SPRYD3: variants seen among roughly 807,000 people sequenced by gnomAD.
The protein encoded by SPRYD3 is SPRY domain containing 3.
Under a neutral mutation model 50.1 loss-of-function variants are expected in SPRYD3, and 17 were observed. That is an observed-to-expected ratio of 0.34 (90% CI 0.23 to 0.51). SPRYD3 has a LOEUF of 0.51. Among genes scored for constraint, SPRYD3 ranks in the 20% least tolerant of loss-of-function variants. SPRYD3 has a pLI of 0.97. For missense variants in SPRYD3, 401 were observed against 591.2 expected (o/e 0.68, Z 3.34); for synonymous variants, 198 against 215.5 (o/e 0.92, Z 0.71).
In SPRYD3 at chr12:53,074,589, T is replaced by C; in HGVS notation, c.507+60A>G. On this transcript the variant is annotated intron_variant, in intron 5 of 10. Transcript: ENST00000301463. This position sits in a 1 kb window ranked among gnomAD's most constrained non-coding sequence, Gnocchi z 4.6. ...CAGCCAGCAGACTCTTCCTAATCACTCCCCACAAATCCTTGGGCAGATTTC... is the reference window on the plus strand; with the variant it reads ...CAGCCAGCAGACTCTTCCTAATCACCCCCCACAAATCCTTGGGCAGATTTC... The C allele has an allele frequency of 6.2e-7, 1 of 1,607,250 alleles. No individual in the cohort carries two copies. The highest frequency in any genetic ancestry group is 8.5e-7 in the Non-Finnish European group (1 of 1,175,074).
At position 53,065,813 on chromosome 12, in the gene SPRYD3, C is replaced by A. The variant is rs2020; in HGVS notation, c.*19G>T. 10 of 1,603,122 alleles carry A rather than the reference C, an allele frequency of 6.2e-6. 1 individual carries two copies. In the African/African-American group the frequency reaches 8.0e-5, roughly 13 times the overall value. On this transcript the variant is annotated 3_prime_UTR_variant, in exon 11 of 11. Coordinates refer to ENST00000301463, the MANE Select transcript of SPRYD3 (RefSeq NM_032840.3). The stretch of plus-strand genomic sequence containing the variant: ...GCAGAGGGTGAGCAGGGAGAAGGAG[C>A]AGGTCTGGAGGGGAGGCCCTAGCCA...
chr12:53,073,260 C>CCGGGGGGGGGGGGGGGGGGGGGGGGGGGG, intron 6 of SPRYD3, 26 bp downstream of exon 6: 1 of 416,308 alleles, frequency 2.4e-6, no homozygotes, highest in Non-Finnish European at 4.4e-6. Context: ...GACCCAGCCC[C>CCGGGGGGGGGGGGGGGGGGGGGGGGGGGG]TCCCACCCTC....
chr12:53,079,199 A>C (rs1592267930), intron 1 of SPRYD3, 112 bp downstream of exon 1: 1 of 1,145,442 alleles, frequency 8.7e-7, no homozygotes, highest in East Asian at 2.6e-5. Flanking sequence ...CAGTGACCAG[A>C]GCGCAGGGCC....
At chr12:53,073,760 C>T (rs1410861975) in intron 5 of SPRYD3, among the ~76,000 whole-genome samples, 1 of 150,848 alleles carries the variant, frequency 6.6e-6, no homozygotes, top group African/African-American at 2.4e-5. Flanking sequence ...AGGAGAATGG[C>T]GTGAACCCGG....
intron 6 of SPRYD3, among the ~76,000 whole-genome samples, chr12:53,072,842 C>T (rs1944559019): frequency 1.3e-5 from 2 of 152,190 alleles, no homozygotes; most frequent in Admixed American, 1.3e-4. Flanking sequence ...GACACTTCCT[C>T]AAAAAAGATG....
intron 7 of SPRYD3, 51 bp downstream of exon 7, chr12:53,068,104 C>T (rs745759335): frequency 6.8e-6 from 11 of 1,609,226 alleles, no homozygotes; most frequent in Middle Eastern, 1.6e-4. Flanking sequence ...GCCCCAACAG[C>T]CCCAGACCTG....
At chr12:53,077,335 G>A in intron 1 of SPRYD3, 74 bp from the exon 2 acceptor site, 2 of 1,549,014 alleles carry the variant, frequency 1.3e-6, no homozygotes, top group Admixed American at 3.7e-5. Flanking sequence ...TGACCCAGAA[G>A]GTAGAGAAGG....
rs566543728 is a variant in SPRYD3, at chr12:53,067,294, G to A, written c.901+354C>T. Among the ~76,000 whole-genome samples the A allele has an allele frequency of 5.9e-5, 9 of 151,954 alleles. No homozygotes were observed. In the South Asian group the frequency reaches 8.3e-4, roughly 14 times the overall value. On this transcript the variant is annotated intron_variant, in intron 8 of 10. Transcript: ENST00000301463. The stretch of plus-strand genomic sequence containing the variant: ...GAGGGCAGGCAGGGGGAGGTGGGTC[G>A]AGGAACTCTAGGCTCAGTTTTCTTC...
At chr12:53,069,422 A>G (rs1944533479) in intron 6 of SPRYD3, among the ~76,000 whole-genome samples, 1 of 152,138 alleles carries the variant, frequency 6.6e-6, no homozygotes, top group Admixed American at 6.5e-5. Flanking sequence ...CTGCACCAGC[A>G]CAGAAGCCTG....
At chr12:53,075,836 T>A in intron 2 of SPRYD3, 25 bp from the exon 3 acceptor site, 1 of 1,599,314 alleles carries the variant, frequency 6.3e-7, no homozygotes, top group East Asian at 2.2e-5. Context: ...AGGGGGGAAT[T>A]CCATTAGCAG....
intron 2 of SPRYD3, 53 bp from the exon 3 acceptor site, chr12:53,075,864 G>A (rs1198248636): frequency 6.8e-7 from 1 of 1,463,332 alleles, no homozygotes; most frequent in African/African-American, 1.4e-5. Flanking sequence ...CAAGAGTAGG[G>A]GGAGGGCCTC....
Position 53,066,352 on chromosome 12 carries a change from C to T in SPRYD3, c.1156G>A (p.Glu386Lys). 1 of 1,613,912 alleles carries T rather than the reference C, an allele frequency of 6.2e-7. No homozygotes were observed. Among genetic ancestry groups the T allele is most frequent in the South Asian group, 1.1e-5 (1 of 91,074 alleles). ...EEEEEEEEDG[E>K]EIEPEHEGRK... ...CCCTCATGCTCCGGCTCTATCTCTT[C>T]CCCATCCTCTTCCTCTTCCTCTTCC... Residue 386 changes from glutamate (E) to lysine (K), a missense_variant, in exon 10 of 11, where the codon GAA becomes AAA. Glu to Lys is a moderately conservative substitution (Grantham distance 56). Coordinates refer to ENST00000301463, the MANE Select transcript of SPRYD3 (RefSeq NM_032840.3).
At chr12:53,073,255 A>AGCCCCGGGGGGGGGG in intron 6 of SPRYD3, 31 bp downstream of exon 6, 2 of 383,666 alleles carry the variant, frequency 5.2e-6, no homozygotes, top group Non-Finnish European at 4.9e-6. Context: ...CCTCCGACCC[A>AGCCCCGGGGGGGGGG]GCCCCTCCCA....
intron 5 of SPRYD3, among the ~76,000 whole-genome samples, chr12:53,073,672 G>A (rs898172764): frequency 3.3e-5 from 5 of 151,766 alleles, no homozygotes; most frequent in Non-Finnish European, 5.9e-5. Context: ...GTGAAACCCC[G>A]TCTCTACTAA....
intron 6 of SPRYD3, among the ~76,000 whole-genome samples, chr12:53,068,879 G>C (rs1346135402): frequency 2.0e-5 from 3 of 152,168 alleles, no homozygotes; most frequent in African/African-American, 7.2e-5. Context: ...GAACACAGCT[G>C]TTCTTAGCTG....
intron 1 of SPRYD3, 91 bp downstream of exon 1, chr12:53,079,220 C>T: frequency 7.4e-7 from 1 of 1,356,040 alleles, no homozygotes; most frequent in Non-Finnish European, 1.0e-6. Flanking sequence ...CCGCCCCTGG[C>T]CCCAGAGCCC....
intron 4 of SPRYD3, 42 bp downstream of exon 4, chr12:53,075,053 A>G (rs1358844518): frequency 8.8e-6 from 14 of 1,598,962 alleles, no homozygotes; most frequent in Non-Finnish European, 1.2e-5. Context: ...AAGATTCCCA[A>G]ATTCATAGGA....
intron 8 of SPRYD3, among the ~76,000 whole-genome samples, chr12:53,066,946 C>G (rs968746184): frequency 1.3e-5 from 2 of 152,068 alleles, no homozygotes; most frequent in African/African-American, 4.8e-5. Context: ...AACATCTCTA[C>G]TAAAAATACA....
In SPRYD3 at chr12:53,074,857, G is replaced by A; in HGVS notation, c.372-73C>T. The A allele has an allele frequency of 6.4e-7, 1 of 1,561,494 alleles. No homozygotes were observed. The highest frequency in any genetic ancestry group is 1.4e-5 in the African/African-American group (1 of 73,938). ...CTTCTCCCCAGCACTGACAGCAGAGGCCTCATCCTCATCTTGCTGCTCCTG... is the reference window on the plus strand; with the variant it reads ...CTTCTCCCCAGCACTGACAGCAGAGACCTCATCCTCATCTTGCTGCTCCTG... On this transcript the variant is annotated intron_variant, in intron 4 of 10. Coordinates refer to ENST00000301463, the MANE Select transcript of SPRYD3 (RefSeq NM_032840.3). This position sits in a 1 kb window ranked among gnomAD's most constrained non-coding sequence, Gnocchi z 4.6.
Sources: gnomAD v4.1 joint callset for allele counts (sites outside exome capture counted in the v4.1 genomes callset) on GRCh38, gnomAD v4.1.1 for gene constraint, Gnocchi (gnomAD v3.1) non-coding constraint, MANE v1.5 for transcripts, NCBI Gene and HGNC (gene_info 2026-07-23, HGNC 2026-07-21) for gene names.